Variants in DCT observed in about 807,000 individuals in gnomAD.
DCT encodes L-dopachrome tautomerase.
In DCT, 47 loss-of-function variants were observed where a neutral mutation model predicts 53.0. The ratio of observed to expected loss-of-function variants is 0.89; its 90% CI spans 0.70 to 1.13. DCT has a LOEUF of 1.13. Among genes scored for constraint, DCT ranks in the 50% most tolerant of loss-of-function variants. The pLI is 0.00. For synonymous variants in DCT, 244 were observed against 237.0 expected, an observed-to-expected ratio of 1.03 and a Z score of -0.27; for missense variants, 669 against 637.4, an observed-to-expected ratio of 1.05 and a Z score of -0.53.
chr13:94,533,644 G>T, the DCT span, among the ~76,000 whole-genome samples: 1 of 152,174 alleles, frequency 6.6e-6, no homozygotes, highest in Admixed American at 6.5e-5. Context: ...AATCAGCCGG[G>T]TGTGGTGGTG....
chr13:94,461,463 C>T (rs1474941468), intron 5 of DCT, among the ~76,000 whole-genome samples: 1 of 152,168 alleles, frequency 6.6e-6, no homozygotes, highest in Non-Finnish European at 1.5e-5. Context: ...CCGCACTGGC[C>T]TCCCAAAGCA....
At chr13:94,463,820 C>T (rs1248382103) in intron 4 of DCT, among the ~76,000 whole-genome samples, 1 of 152,084 alleles carries the variant, frequency 6.6e-6, no homozygotes, top group African/African-American at 2.4e-5. Flanking sequence ...TGAAAGAGGC[C>T]AGGACCTAAA....
the DCT span, among the ~76,000 whole-genome samples, chr13:94,487,371 C>T: frequency 4.6e-5 from 7 of 152,230 alleles, 1 homozygote; most frequent in South Asian, 1.0e-3. Flanking sequence ...TGCATACTTT[C>T]ATTTTGCATG....
the DCT span, among the ~76,000 whole-genome samples, chr13:94,525,908 A>G: frequency 1.3e-5 from 2 of 152,168 alleles, no homozygotes; most frequent in African/African-American, 4.8e-5. Context: ...ATGACCACAC[A>G]AATGTTTGGT....
intron 6 of DCT, chr13:94,445,787 A>T: frequency 5.2e-6 from 8 of 1,537,568 alleles, no homozygotes; most frequent in Non-Finnish European, 7.1e-6. Flanking sequence ...ATTTAATAGA[A>T]ATTTTGTTTG....
chr13:94,503,414 G>C, the DCT span, among the ~76,000 whole-genome samples: 5 of 145,136 alleles, frequency 3.4e-5, no homozygotes, highest in Non-Finnish European at 7.5e-5. Context: ...GAGGGGAGGG[G>C]AGGTGGGGGA....
the DCT span, among the ~76,000 whole-genome samples, chr13:94,491,052 G>A: frequency 1.5e-4 from 23 of 152,154 alleles, no homozygotes; most frequent in African/African-American, 2.7e-4. Context: ...AGTCCTCACC[G>A]AAGACCGGAA....
chr13:94,467,526 T>C (rs1191571558), intron 2 of DCT: 1 of 152,208 alleles, frequency 6.6e-6, no homozygotes, highest in Non-Finnish European at 1.5e-5. Flanking sequence ...CTCAGAGTGA[T>C]AACAGGAAAA....
chr13:94,470,103 AAGAGAAAGAAAGAGAG>A (rs1221980744), intron 1 of DCT, among the ~76,000 whole-genome samples: 1 of 152,052 alleles, frequency 6.6e-6, no homozygotes, highest in East Asian at 1.9e-4. Flanking sequence ...GAAAGAAAGG[AAGAGAAAGAAAGAGAG>A]AGAGAAAGAA....
At chr13:94,541,250 T>C in the DCT span, among the ~76,000 whole-genome samples, 1 of 152,192 alleles carries the variant, frequency 6.6e-6, no homozygotes. Flanking sequence ...ACGCCTGTAA[T>C]TTCAGCACTT....
At chr13:94,503,720 T>G in the DCT span, among the ~76,000 whole-genome samples, 3 of 152,212 alleles carry the variant, frequency 2.0e-5, no homozygotes, top group Admixed American at 6.5e-5. Flanking sequence ...TGGCCCTGCC[T>G]ATACCTTGAT....
chr13:94,461,473 A>G (rs753110235), intron 5 of DCT, among the ~76,000 whole-genome samples: 6 of 152,136 alleles, frequency 3.9e-5, no homozygotes, highest in African/African-American at 7.2e-5. Flanking sequence ...CTCCCAAAGC[A>G]CTAGGATTAC....
the DCT span, among the ~76,000 whole-genome samples, chr13:94,522,089 G>A: frequency 6.6e-6 from 1 of 152,172 alleles, no homozygotes; most frequent in African/African-American, 2.4e-5. Context: ...TTTTATGGCT[G>A]AATAATATCC....
the DCT span, among the ~76,000 whole-genome samples, chr13:94,519,150 C>G: frequency 3.1e-3 from 467 of 152,300 alleles, 1 homozygote; most frequent in Non-Finnish European, 5.4e-3. Context: ...TAATGATATC[C>G]TGCTAAAGCC....
chr13:94,525,990 A>G, the DCT span, among the ~76,000 whole-genome samples: 1 of 152,270 alleles, frequency 6.6e-6, no homozygotes, highest in African/African-American at 2.4e-5. Context: ...GATTATAGCT[A>G]CAAATGGGTC....
At chr13:94,524,765 A>T in the DCT span, among the ~76,000 whole-genome samples, 1 of 152,116 alleles carries the variant, frequency 6.6e-6, no homozygotes, top group East Asian at 1.9e-4. Flanking sequence ...CAGATGTTGA[A>T]GTCCTAAGTC....
At chr13:94,470,679 CTT>C (rs1042497095) in intron 1 of DCT, among the ~76,000 whole-genome samples, 1 of 152,182 alleles carries the variant, frequency 6.6e-6, no homozygotes, top group Non-Finnish European at 1.5e-5. Context: ...TCCTGAAACA[CTT>C]TTCCCTCACT....
rs140389951 is a variant in DCT, at chr13:94,469,006, C to A, written c.335G>T (p.Gly112Val). The stretch of plus-strand genomic sequence containing the variant: ...CCGCTCGCAGTTGGGACCGGTCCAG[C>A]CAAACTTGCAGTCTCCACAATTATA... Reference protein sequence around the residue: ...AGYNCGDCKFGWTGPNCERKK... With the variant: ...AGYNCGDCKFVWTGPNCERKK... Residue 112 changes from glycine (G) to valine (V), a missense_variant, in exon 2 of 8, where the codon GGC (glycine) becomes GTC (valine). Gly to Val is a moderately radical substitution (Grantham distance 109). Transcript: ENST00000377028. 1.2e-6 allele frequency: 2 copies of A among 1,613,948 alleles called. No homozygotes were observed. Among genetic ancestry groups the A allele is most frequent in the Admixed American group, 1.7e-5 (1 of 59,994 alleles).
the DCT span, among the ~76,000 whole-genome samples, chr13:94,487,481 G>A: frequency 1.3e-5 from 2 of 152,204 alleles, no homozygotes; most frequent in African/African-American, 4.8e-5. Context: ...ATGATGCAGG[G>A]CAGACATGCA....
Sources: gnomAD v4.1 joint callset for allele counts (sites outside exome capture counted in the v4.1 genomes callset) on GRCh38, gnomAD v4.1.1 for gene constraint, MANE v1.5 for transcripts, NCBI Gene and HGNC (gene_info 2026-07-23, HGNC 2026-07-21) for gene names.